Variants in PKIG observed in about 807,000 individuals in gnomAD.
PKIG encodes protein kinase (cAMP-dependent, catalytic) inhibitor gamma.
A neutral mutation model predicts 6.8 loss-of-function variants in PKIG; 1 was observed. The ratio of observed to expected loss-of-function variants is 0.15; its 90% CI spans 0.05 to 0.69. The LOEUF is 0.69. Ranked by LOEUF, PKIG falls within the 30% of genes least tolerant of loss-of-function variation. The pLI is 0.82. For missense variants in PKIG, 77 were observed against 104.0 expected (o/e 0.74, Z 1.13); for synonymous variants, 39 against 43.0 (o/e 0.91, Z 0.36).
chr20:44,589,513 TTAAC>T (rs1233833048), intron 1 of PKIG, among the ~76,000 whole-genome samples: 1 of 152,208 alleles, frequency 6.6e-6, no homozygotes, highest in Non-Finnish European at 1.5e-5. Flanking sequence ...ACACCATAAT[TTAAC>T]TATTTTTCTA....
chr20:44,535,189 A>G (rs947696506), intron 1 of PKIG, among the ~76,000 whole-genome samples: 3 of 152,304 alleles, frequency 2.0e-5, no homozygotes, highest in Non-Finnish European at 4.4e-5. Context: ...ACAGAGTAAG[A>G]GTTGGCTGGG....
intron 1 of PKIG, among the ~76,000 whole-genome samples, chr20:44,563,005 G>A (rs897435452): frequency 8.5e-5 from 13 of 152,190 alleles, no homozygotes; most frequent in Admixed American, 5.9e-4. Flanking sequence ...AGTGGAGATC[G>A]TGCCATTGCA....
intron 1 of PKIG, among the ~76,000 whole-genome samples, chr20:44,547,312 T>C (rs774245034): frequency 2.6e-5 from 4 of 152,206 alleles, no homozygotes; most frequent in Non-Finnish European, 5.9e-5. Context: ...GAGAATGGTA[T>C]AAAGAAACCT....
At chr20:44,584,521 A>T (rs977358257) in intron 1 of PKIG, among the ~76,000 whole-genome samples, 1 of 150,162 alleles carries the variant, frequency 6.7e-6, no homozygotes, top group African/African-American at 2.4e-5. Context: ...AAGACGTCAG[A>T]TCTTGAATTT....
chr20:44,617,671 C>T (rs544634333), intron 3 of PKIG, among the ~76,000 whole-genome samples: 6 of 152,244 alleles, frequency 3.9e-5, no homozygotes, highest in Admixed American at 1.3e-4. Context: ...CCATGATGCA[C>T]GGTTGGCCCC....
Position 44,614,623 on chromosome 20 carries a change from G to T in PKIG, c.67G>T (p.Val23Phe). 6.2e-7 allele frequency: 1 copy of T among 1,613,908 alleles called. No individual in the cohort carries two copies. Among genetic ancestry groups the T allele is most frequent in the Non-Finnish European group, 8.5e-7 (1 of 1,179,832 alleles). The change falls in exon 3 of 4, where the codon GTC (valine) becomes TTC (phenylalanine). Residue 23 changes from valine (V) to phenylalanine (F), a missense_variant. Coordinates refer to ENST00000372886, the MANE Select transcript of PKIG (RefSeq NM_001281445.2). The surrounding 1 kb of genome is among the most constrained non-coding windows in gnomAD (Gnocchi z 4.6). ...SCDRTGRRNA[V>F]PDIQGDSEAV... ...TGACCGGACAGGCCGTCGGAATGCG[G>T]TCCCTGACATCCAGGGAGACTCAGA...
Position 44,548,020 on chromosome 20 carries a change from A to C in PKIG, c.-241+16042A>C, listed in dbSNP as rs3092064. On this transcript the variant is annotated intron_variant, in intron 1 of 4. Transcript: ENST00000372887. Reference sequence around the variant, plus strand: ...TGGTGAAACCTCGTCTCTACTAAAAATACAAAAAATTAGCCGGGTGTGGTG... The same window carrying C: ...TGGTGAAACCTCGTCTCTACTAAAACTACAAAAAATTAGCCGGGTGTGGTG... Among the ~76,000 whole-genome samples the C allele has an allele frequency of 3.1e-3, 478 of 152,214 alleles. 1 individual carries two copies. The highest frequency in any genetic ancestry group is 0.011 in the African/African-American group (446 of 41,526).
chr20:44,618,810 T>A lies in PKIG; in HGVS notation c.*446T>A, dbSNP rs2065296386. 1 of 158,922 alleles carries A rather than the reference T, an allele frequency of 6.3e-6. No homozygotes were observed. The highest frequency in any genetic ancestry group is 1.4e-5 in the Non-Finnish European group (1 of 71,560). The allele number at this position is 158,922 out of a possible 1,614,324, so 9.8% of individuals were successfully genotyped here. A position where few individuals can be genotyped will look rare whatever the true frequency, so the allele number is the denominator to read the frequency against. On this transcript the variant is annotated 3_prime_UTR_variant, in exon 4 of 4. Transcript: ENST00000372886. ...AAAACACTTTTAAACTTTTTAAAAA[T>A]TTTAAACCTTTTTTCAGCAGATATG...
At chr20:44,576,375 A>AT (rs2064898563) in intron 1 of PKIG, among the ~76,000 whole-genome samples, 1 of 152,156 alleles carries the variant, frequency 6.6e-6, no homozygotes, top group Non-Finnish European at 1.5e-5. Context: ...AAGAAGAGAC[A>AT]TAGGAGTACC....
rs544842278 is a variant in PKIG at position 44,612,347 on chromosome 20, G to A, written c.-23-2187G>A. Among the ~76,000 whole-genome samples, 7 of 152,162 alleles carry A rather than the reference G, an allele frequency of 4.6e-5. No individual in the cohort carries two copies. The South Asian group carries it at 8.3e-4, about 18-fold the overall frequency. On this transcript the variant is annotated intron_variant, in intron 2 of 3. Transcript: ENST00000372886. ...CATCCTCACACTAGAGAAAACATTG[G>A]GCATTTGCCTGAGTGGGTCTAGAAC...
At chr20:44,534,266 C>T (rs1397469512) in intron 1 of PKIG, among the ~76,000 whole-genome samples, 1 of 152,156 alleles carries the variant, frequency 6.6e-6, no homozygotes, top group African/African-American at 2.4e-5. Flanking sequence ...AGGAGCTCCA[C>T]AGTACAGATC....
At chr20:44,605,232 C>T (rs557166196) in intron 2 of PKIG, among the ~76,000 whole-genome samples, 3 of 151,884 alleles carry the variant, frequency 2.0e-5, no homozygotes, top group Non-Finnish European at 2.9e-5. Context: ...GGTGAAACCC[C>T]GTCTCTACTG....
chr20:44,533,155 T>A (rs1376088972), intron 1 of PKIG, among the ~76,000 whole-genome samples: 1 of 152,190 alleles, frequency 6.6e-6, no homozygotes, highest in Admixed American at 6.5e-5. Context: ...GGCATTCATT[T>A]GTGGTGATTC....
At chr20:44,591,482 G>T (rs2065032931) in intron 2 of PKIG, among the ~76,000 whole-genome samples, 1 of 152,020 alleles carries the variant, frequency 6.6e-6, no homozygotes, top group Admixed American at 6.6e-5. Context: ...ACTCTGCCTG[G>T]CCCACTCTCA....
chr20:44,609,054 C>A (rs1315620420), intron 2 of PKIG, among the ~76,000 whole-genome samples: 1 of 152,108 alleles, frequency 6.6e-6, no homozygotes, highest in Admixed American at 6.5e-5. Context: ...TTTATTTCCC[C>A]ATTTGCTGTT....
intron 3 of PKIG, among the ~76,000 whole-genome samples, chr20:44,617,332 A>G (rs904223596): frequency 2.0e-5 from 3 of 152,100 alleles, no homozygotes; most frequent in Non-Finnish European, 2.9e-5. Flanking sequence ...TGTACCACCT[A>G]TTGAGCTCTG....
chr20:44,542,948 T>C (rs983482162), intron 1 of PKIG, among the ~76,000 whole-genome samples: 4 of 152,182 alleles, frequency 2.6e-5, no homozygotes, highest in Non-Finnish European at 5.9e-5. Flanking sequence ...TATAGTATAC[T>C]TAGGAAGGTT....
intron 3 of PKIG, 32 bp from the exon 4 acceptor site, chr20:44,618,253 G>C (rs377106028): frequency 3.5e-6 from 5 of 1,429,980 alleles, no homozygotes; most frequent in Non-Finnish European, 4.9e-6. Context: ...GTGTATATGT[G>C]CCCAAGAAAA....
At chr20:44,607,475 C>T (rs545021049) in intron 2 of PKIG, among the ~76,000 whole-genome samples, 32 of 143,600 alleles carry the variant, frequency 2.2e-4, no homozygotes, top group Admixed American at 7.2e-4. Context: ...CTCTCGGGTT[C>T]GAGCAATTCT....
Sources: allele counts gnomAD v4.1 joint callset (sites outside exome capture counted in the v4.1 genomes callset), GRCh38; gene constraint gnomAD v4.1.1; non-coding constraint Gnocchi (gnomAD v3.1); transcripts MANE v1.5; gene names NCBI Gene and HGNC (gene_info 2026-07-23, HGNC 2026-07-21).